The following NR2C2 variants were observed in gnomAD, a reference collection of about 807,000 sequenced individuals.
NR2C2 encodes Nuclear hormone receptor TR4.
A neutral mutation model predicts 62.9 loss-of-function variants in NR2C2; 6 were observed. The ratio of observed to expected loss-of-function variants is 0.10; its 90% CI spans 0.05 to 0.19. The LOEUF is 0.19. Ranked by LOEUF, NR2C2 falls within the 10% of genes least tolerant of loss-of-function variation. NR2C2 has a pLI of 1.00. For missense variants in NR2C2, 479 were observed against 762.7 expected (o/e 0.63, Z 4.38); for synonymous variants, 272 against 273.8 (o/e 0.99, Z 0.07).
intron 1 of NR2C2, among the ~76,000 whole-genome samples, chr3:14,948,954 C>T (rs1476697473): frequency 1.3e-5 from 2 of 152,144 alleles, no homozygotes; most frequent in Non-Finnish European, 2.9e-5. Flanking sequence ...GGCAACGCTA[C>T]TTTGCGAGCT....
intron 1 of NR2C2, among the ~76,000 whole-genome samples, chr3:14,964,183 A>C (rs2039770997): frequency 6.6e-6 from 1 of 152,260 alleles, no homozygotes; most frequent in South Asian, 2.1e-4. Flanking sequence ...TGGTCAAAAA[A>C]TAAAAAATCA....
chr3:14,999,431 C>T (rs984830213), intron 1 of NR2C2, among the ~76,000 whole-genome samples: 1 of 152,156 alleles, frequency 6.6e-6, no homozygotes, highest in Non-Finnish European at 1.5e-5. Context: ...GATGAGGCTG[C>T]AGTGAACCAT....
At chr3:14,992,322 T>C (rs2040695229) in intron 1 of NR2C2, among the ~76,000 whole-genome samples, 1 of 151,906 alleles carries the variant, frequency 6.6e-6, no homozygotes, top group Non-Finnish European at 1.5e-5. Context: ...CAGTACTCCT[T>C]GGTTTATATA....
At chr3:14,948,153 G>A (rs1420260551) in intron 1 of NR2C2, 1 of 152,144 alleles carries the variant, frequency 6.6e-6, no homozygotes, top group African/African-American at 2.4e-5. Flanking sequence ...GGGGGTGGAG[G>A]GGGAATGGCC....
At chr3:14,995,113 C>T (rs987220984) in intron 1 of NR2C2, among the ~76,000 whole-genome samples, 1 of 150,600 alleles carries the variant, frequency 6.6e-6, no homozygotes, top group Non-Finnish European at 1.5e-5. Context: ...AGTCTCCCAC[C>T]TCAGCCTCCT....
chr3:14,976,870 G>A (rs1275644283), intron 1 of NR2C2, among the ~76,000 whole-genome samples: 1 of 151,724 alleles, frequency 6.6e-6, no homozygotes, highest in Non-Finnish European at 1.5e-5. Context: ...TTATCTACAT[G>A]GGTGACCTCT....
chr3:15,001,318 G>GTT (rs61017075), intron 1 of NR2C2, among the ~76,000 whole-genome samples: 2,289 of 97,490 alleles, frequency 0.023, 22 homozygotes, highest in African/African-American at 0.031. Flanking sequence ...TTTGTTTTGG[G>GTT]TTTTTTTTTT....
chr3:14,990,942 G>A (rs1171863211), intron 1 of NR2C2, among the ~76,000 whole-genome samples: 1 of 152,204 alleles, frequency 6.6e-6, no homozygotes, highest in Non-Finnish European at 1.5e-5. Context: ...CTAAATTCAG[G>A]TGGGGCAAAA....
chr3:15,013,132 T>C (rs59572909), intron 2 of NR2C2, among the ~76,000 whole-genome samples: 2,938 of 152,276 alleles, frequency 0.019, 91 homozygotes, highest in African/African-American at 0.067. Context: ...GGGGTCTCCC[T>C]GTATTCTCTC....
chr3:14,949,788 C>T (rs944122731), intron 1 of NR2C2, among the ~76,000 whole-genome samples: 2 of 151,800 alleles, frequency 1.3e-5, no homozygotes, highest in African/African-American at 2.4e-5. Context: ...TTTTTTGAGA[C>T]CAAGGTCTCA....
rs985197895 is a variant in NR2C2 at position 15,044,360 on chromosome 3, A to T, written c.*1352A>T. ...GACCACCCCGGAGCATTTTAAATGC[A>T]GGCTGCTTGCTCCTTAAAAACAACC... On this transcript the variant is annotated 3_prime_UTR_variant, in exon 14 of 14. Transcript: ENST00000425241. 4 of 152,246 alleles carry T rather than the reference A, an allele frequency of 2.6e-5. No individual in the cohort carries two copies. The highest frequency in any genetic ancestry group is 9.6e-5 in the African/African-American group (4 of 41,466). The allele number at this position is 152,246 out of a possible 1,614,324, so 9.4% of individuals were successfully genotyped here.
rs1025362382 is a variant in NR2C2, at chr3:15,004,721, G to T, written c.72+735G>T. The T allele has an allele frequency of 2.2e-5, 29 of 1,294,522 alleles. No individual in the cohort carries two copies. In the African/African-American group the frequency reaches 3.5e-4, roughly 16 times the overall value. The allele number at this position is 1,294,522 out of a possible 1,614,324, so 80.2% of individuals were successfully genotyped here. On this transcript the variant is annotated intron_variant, in intron 2 of 13. Coordinates refer to ENST00000425241, the MANE Select transcript of NR2C2 (RefSeq NM_001291694.2). ...GCTGAATCAAAAAGCCAATTATAACGGTTGATTTCTCTGTTTTTCTTCTTG... is the reference window on the plus strand; with the variant it reads ...GCTGAATCAAAAAGCCAATTATAACTGTTGATTTCTCTGTTTTTCTTCTTG...
At position 15,024,149 on chromosome 3, in the gene NR2C2, A is replaced by G. The variant is rs747764904; in HGVS notation, c.739A>G (p.Asn247Asp). 1.2e-6 allele frequency: 2 copies of G among 1,613,056 alleles called. No individual in the cohort carries two copies. Among genetic ancestry groups the G allele is most frequent in the Non-Finnish European group, 1.7e-6 (2 of 1,179,544 alleles). ...TCTTCTTGATCCAGGGATGCTTGTG[A>G]ACATCCAGCAGCCTTTGATACGTGA... is the stretch of plus-strand genomic sequence containing the variant. Reference protein sequence around the residue: ...TGLLDPGMLVNIQQPLIREDG... With the variant: ...TGLLDPGMLVDIQQPLIREDG... Residue 247 changes from asparagine (N) to aspartate (D), a missense_variant, in exon 7 of 14, where the codon AAC (asparagine) becomes GAC (aspartate). Asn to Asp is a conservative substitution (Grantham distance 23, BLOSUM62 1). This residue lies in a region of NR2C2 where 151 missense variants were observed against 176.1 expected (regional missense o/e 0.86). Coordinates refer to ENST00000425241, the MANE Select transcript of NR2C2 (RefSeq NM_001291694.2).
intron 1 of NR2C2, among the ~76,000 whole-genome samples, chr3:14,991,762 CTTTTTCT>C (rs2040678121): frequency 1.7e-5 from 2 of 117,062 alleles, no homozygotes; most frequent in Non-Finnish European, 3.7e-5. Flanking sequence ...TTTTTTTTTT[CTTTTTCT>C]TTTTTTTTTT....
chr3:14,988,456 A>G (rs915022559), intron 1 of NR2C2, among the ~76,000 whole-genome samples: 1 of 152,252 alleles, frequency 6.6e-6, no homozygotes, highest in African/African-American at 2.4e-5. Context: ...ATTTAGGATA[A>G]TTTATATAAC....
chr3:15,032,021 C>T (rs985725441), intron 9 of NR2C2, among the ~76,000 whole-genome samples: 1 of 151,934 alleles, frequency 6.6e-6, no homozygotes, highest in African/African-American at 2.4e-5. Flanking sequence ...GAGCCACCCG[C>T]ACCTGGCCCC....
chr3:14,971,147 C>T (rs2040022816), intron 1 of NR2C2, among the ~76,000 whole-genome samples: 1 of 152,102 alleles, frequency 6.6e-6, no homozygotes. Context: ...GAGGCAGAGT[C>T]TTGCTCTGCG....
intron 1 of NR2C2, among the ~76,000 whole-genome samples, chr3:14,958,448 A>G (rs1028123325): frequency 6.6e-6 from 1 of 152,048 alleles, no homozygotes; most frequent in Non-Finnish European, 1.5e-5. Flanking sequence ...TTGAAGGTTA[A>G]CAAGCTGAAT....
intron 1 of NR2C2, among the ~76,000 whole-genome samples, chr3:14,950,119 C>T (rs937903475): frequency 1.8e-4 from 28 of 152,120 alleles, no homozygotes; most frequent in Admixed American, 8.5e-4. Context: ...TCATTATGAA[C>T]TACTGGTATA....
Sources: gnomAD v4.1 joint callset for allele counts (sites outside exome capture counted in the v4.1 genomes callset) on GRCh38, gnomAD v4.1.1 for gene constraint, gnomAD v4.1.1 regional missense constraint, MANE v1.5 for transcripts, NCBI Gene and HGNC (gene_info 2026-07-23, HGNC 2026-07-21) for gene names.